SEMA3D: variants seen among roughly 807,000 people sequenced by gnomAD.
The protein encoded by SEMA3D is semaphorin-3D.
A neutral mutation model predicts 100.1 loss-of-function variants in SEMA3D; 84 were observed. The observed-to-expected ratio is 0.84, with a 90% CI of 0.70 to 1.01. The LOEUF is 1.01. Ranked by LOEUF, SEMA3D falls within the 50% of genes least tolerant of loss-of-function variation. The pLI, the probability that SEMA3D is intolerant of heterozygous loss-of-function variation, is 0.00. For synonymous variants in SEMA3D, 312 were observed against 320.7 expected, an observed-to-expected ratio of 0.97 and a Z score of 0.29; for missense variants, 875 against 934.1, an observed-to-expected ratio of 0.94 and a Z score of 0.82.
chr7:85,058,726 C>T lies in SEMA3D; in HGVS notation c.719-2867G>A, dbSNP rs185523102. ...TTGTGCCACTGCACTCCAGCCTGGG[C>T]GACAGAGCGAGACTCCACTACAAAA... On this transcript the variant is annotated intron_variant, in intron 8 of 18. Coordinates refer to ENST00000284136, the MANE Select transcript of SEMA3D (RefSeq NM_001384900.1). 3.9e-3 allele frequency among the ~76,000 whole-genome samples: 484 copies of T among 124,940 alleles called. 3 individuals are homozygous for T. The East Asian group carries it at 0.039, about 10-fold the overall frequency. 82.0% of individuals were successfully genotyped at this position (124,940 alleles called of 152,430 possible).
At position 84,998,325 on chromosome 7, in the gene SEMA3D, AAGAG is replaced by A. The variant is rs932662170; in HGVS notation, c.*1111_*1114del. On this transcript the variant is annotated 3_prime_UTR_variant, in exon 19 of 19. Transcript: ENST00000284136. ...ACAGAGTATGATAAATATTTTTTAA[AAGAG>A]AGAAAATATATACTGAAATATCATT... is the stretch of plus-strand genomic sequence containing the variant. The A allele has an allele frequency of 2.1e-4, 32 of 152,304 alleles. No individual in the cohort carries two copies. The highest frequency in any genetic ancestry group is 3.4e-4 in the Non-Finnish European group (23 of 67,998). 9.4% of individuals were successfully genotyped at this position (152,304 alleles called of 1,614,324 possible). A position where few individuals can be genotyped will look rare whatever the true frequency, so the allele number is the denominator to read the frequency against.
chr7:85,017,142 G>T (rs1790127057), intron 15 of SEMA3D, among the ~76,000 whole-genome samples: 1 of 151,396 alleles, frequency 6.6e-6, no homozygotes, highest in African/African-American at 2.4e-5. Context: ...CTCCCCTTCT[G>T]GTTGGCATAT....
intron 4 of SEMA3D, among the ~76,000 whole-genome samples, chr7:85,095,349 C>T (rs879492143): frequency 1.3e-5 from 2 of 151,674 alleles, no homozygotes; most frequent in African/African-American, 2.4e-5. Flanking sequence ...TCCAAGTTCA[C>T]ATATATTGCA....
chr7:85,069,796 G>T (rs1459784328), intron 6 of SEMA3D, among the ~76,000 whole-genome samples: 3 of 152,166 alleles, frequency 2.0e-5, no homozygotes, highest in African/African-American at 4.8e-5. Context: ...GCAGCACAGG[G>T]GAGGTCCCAG....
chr7:85,060,463 T>C (rs1409841290), intron 8 of SEMA3D, among the ~76,000 whole-genome samples: 1 of 152,136 alleles, frequency 6.6e-6, no homozygotes, highest in Non-Finnish European at 1.5e-5. Context: ...ACTTGATCAA[T>C]TAAACAACTT....
intron 2 of SEMA3D, among the ~76,000 whole-genome samples, chr7:85,138,701 T>A (rs10238397): frequency 0.58 from 86,380 of 148,494 alleles, 26,580 homozygotes; most frequent in African/African-American, 0.79. Flanking sequence ...TCTAGGATAC[T>A]TGTGCAGAAT....
intron 16 of SEMA3D, among the ~76,000 whole-genome samples, chr7:85,014,266 C>T (rs1790035875): frequency 1.3e-5 from 2 of 151,716 alleles, no homozygotes; most frequent in African/African-American, 4.8e-5. Flanking sequence ...GGAAAATATA[C>T]TTCGAATACT....
chr7:85,038,203 T>A (rs530107696), intron 11 of SEMA3D, among the ~76,000 whole-genome samples: 3 of 151,894 alleles, frequency 2.0e-5, no homozygotes, highest in South Asian at 4.1e-4. Flanking sequence ...ATAATAAAAA[T>A]AATAATAATA....
chr7:85,126,166 AATTT>A (rs1387707197), intron 2 of SEMA3D, among the ~76,000 whole-genome samples: 1 of 152,068 alleles, frequency 6.6e-6, no homozygotes, highest in East Asian at 1.9e-4. Flanking sequence ...TGGATGGTAA[AATTT>A]ATTTGAGGAG....
chr7:85,112,449 A>C (rs1428855401), intron 3 of SEMA3D, among the ~76,000 whole-genome samples: 2 of 152,212 alleles, frequency 1.3e-5, no homozygotes, highest in Non-Finnish European at 2.9e-5. Context: ...AAGTTATTGA[A>C]AATAGCTTGC....
intron 7 of SEMA3D, among the ~76,000 whole-genome samples, chr7:85,066,599 C>A (rs547028478): frequency 6.6e-6 from 1 of 151,992 alleles, no homozygotes; most frequent in African/African-American, 2.4e-5. Flanking sequence ...TTTCAAGAAA[C>A]TTCTTAGTCA....
the SEMA3D span, among the ~76,000 whole-genome samples, chr7:85,208,236 T>C: frequency 2.0e-5 from 3 of 152,028 alleles, no homozygotes; most frequent in African/African-American, 7.2e-5. Flanking sequence ...AATTGAGACA[T>C]TGCTTACCTT....
chr7:85,197,269 A>G, the SEMA3D span, among the ~76,000 whole-genome samples: 1 of 152,148 alleles, frequency 6.6e-6, no homozygotes, highest in Admixed American at 6.6e-5. Flanking sequence ...CACCTTTTAA[A>G]TATCTGAATA....
chr7:85,241,826 AAAAT>A, the SEMA3D span, among the ~76,000 whole-genome samples: 1 of 152,016 alleles, frequency 6.6e-6, no homozygotes, highest in Non-Finnish European at 1.5e-5. Flanking sequence ...TATGGAAATA[AAAAT>A]AAATAAGTAA....
chr7:85,233,180 G>C, the SEMA3D span, among the ~76,000 whole-genome samples: 1 of 151,796 alleles, frequency 6.6e-6, no homozygotes, highest in African/African-American at 2.4e-5. Flanking sequence ...AAAATGTGTT[G>C]ATGTTAGAAA....
the SEMA3D span, among the ~76,000 whole-genome samples, chr7:85,224,940 C>T: frequency 4.6e-5 from 7 of 150,632 alleles, no homozygotes; most frequent in African/African-American, 1.5e-4. Flanking sequence ...ATCATGAAAA[C>T]AATACATTTG....
At chr7:85,015,358 A>T in intron 15 of SEMA3D, 142 bp from the exon 16 acceptor site, 1 of 633,762 alleles carries the variant, frequency 1.6e-6, no homozygotes. Context: ...CAGAAACATA[A>T]TGAGGAGTAA....
intron 15 of SEMA3D, among the ~76,000 whole-genome samples, chr7:85,015,585 G>T (rs1790075966): frequency 6.6e-6 from 1 of 151,820 alleles, no homozygotes; most frequent in Non-Finnish European, 1.5e-5. Flanking sequence ...GTCTTCCCAA[G>T]ACTTCCCATG....
At chr7:85,075,248 A>T (rs1048516423) in intron 5 of SEMA3D, among the ~76,000 whole-genome samples, 1 of 152,122 alleles carries the variant, frequency 6.6e-6, no homozygotes, top group African/African-American at 2.4e-5. Flanking sequence ...TTTAGAAAGT[A>T]ATTTTGCAAG....
Sources: allele counts gnomAD v4.1 joint callset (sites outside exome capture counted in the v4.1 genomes callset), GRCh38; gene constraint gnomAD v4.1.1; transcripts MANE v1.5; gene names NCBI Gene and HGNC (gene_info 2026-07-23, HGNC 2026-07-21).